Variants in DNER observed in about 807,000 individuals in gnomAD.
The protein encoded by DNER is delta/notch like EGF repeat containing.
DNER carries 33 observed loss-of-function variants against 78.2 expected under a neutral mutation model. The observed-to-expected ratio is 0.42, with a 90% CI of 0.32 to 0.56. The LOEUF (loss-of-function observed/expected upper bound fraction) is 0.56. DNER is among the 20% of genes least tolerant of loss of function. The pLI is 0.11. For synonymous variants in DNER, 417 were observed against 384.8 expected (o/e 1.08, Z -0.98); for missense variants, 918 against 975.3 (o/e 0.94, Z 0.78).
At chr2:229,363,132 C>A (rs1692253951) in intron 12 of DNER, among the ~76,000 whole-genome samples, 1 of 152,196 alleles carries the variant, frequency 6.6e-6, no homozygotes, top group Admixed American at 6.5e-5. Flanking sequence ...TGCCTGAGTA[C>A]AAGCAAAGCA....
chr2:229,486,022 C>G (rs12475099), intron 6 of DNER, among the ~76,000 whole-genome samples: 19,041 of 152,154 alleles, frequency 0.13, 1,333 homozygotes, highest in South Asian at 0.2. Context: ...AGAGAACCCA[C>G]CAGTCTCAGC....
At chr2:229,479,728 A>C (rs914187953) in intron 6 of DNER, among the ~76,000 whole-genome samples, 17 of 117,050 alleles carry the variant, frequency 1.5e-4, no homozygotes, top group African/African-American at 4.7e-4. Flanking sequence ...AAAAAAAAAA[A>C]AAACAAAAAA....
chr2:229,387,840 T>C (rs890263221), intron 11 of DNER, among the ~76,000 whole-genome samples: 4 of 150,390 alleles, frequency 2.7e-5, no homozygotes, highest in African/African-American at 7.4e-5. Flanking sequence ...CTTGAACACA[T>C]AAATAAAAAG....
intron 4 of DNER, among the ~76,000 whole-genome samples, chr2:229,548,542 T>C (rs28624660): frequency 0.029 from 4,469 of 151,754 alleles, 194 homozygotes; most frequent in African/African-American, 0.094. Flanking sequence ...AGTTGAACAA[T>C]GAGGACACAT....
chr2:229,552,242 G>A (rs967737518), intron 4 of DNER, among the ~76,000 whole-genome samples: 18 of 152,198 alleles, frequency 1.2e-4, no homozygotes, highest in African/African-American at 4.3e-4. Context: ...CATGATTCAG[G>A]GAAATGCAGA....
chr2:229,637,403 G>A (rs889740164), intron 1 of DNER, among the ~76,000 whole-genome samples: 1 of 152,156 alleles, frequency 6.6e-6, no homozygotes, highest in African/African-American at 2.4e-5. Context: ...CAATTGCGAG[G>A]CAATTTTCAG....
chr2:229,619,742 A>G (rs1698222102), intron 1 of DNER, among the ~76,000 whole-genome samples: 1 of 152,260 alleles, frequency 6.6e-6, no homozygotes, highest in Non-Finnish European at 1.5e-5. Flanking sequence ...AACTCATTTA[A>G]AGTAATTTAT....
intron 6 of DNER, among the ~76,000 whole-genome samples, chr2:229,495,384 G>A (rs1342847055): frequency 6.6e-6 from 1 of 152,160 alleles, no homozygotes; most frequent in African/African-American, 2.4e-5. Flanking sequence ...TCAGCAAGCT[G>A]GAGACTAAGG....
At chr2:229,558,283 G>A (rs1346210313) in intron 4 of DNER, among the ~76,000 whole-genome samples, 1 of 152,008 alleles carries the variant, frequency 6.6e-6, no homozygotes, top group Non-Finnish European at 1.5e-5. Flanking sequence ...TGAGTACAAG[G>A]CTTCATACCT....
intron 1 of DNER, among the ~76,000 whole-genome samples, chr2:229,657,431 T>G (rs1300909312): frequency 2.0e-5 from 3 of 152,134 alleles, no homozygotes; most frequent in Non-Finnish European, 4.4e-5. Flanking sequence ...CTACTGTAAA[T>G]AATGCCGCAG....
intron 4 of DNER, among the ~76,000 whole-genome samples, chr2:229,576,411 C>T (rs765292696): frequency 2.6e-4 from 38 of 148,486 alleles, no homozygotes; most frequent in Non-Finnish European, 2.1e-4. Flanking sequence ...TTAAATGTCA[C>T]AGAGGTAGAT....
chr2:229,646,581 A>C (rs1403196594), intron 1 of DNER, among the ~76,000 whole-genome samples: 2 of 152,270 alleles, frequency 1.3e-5, no homozygotes, highest in Non-Finnish European at 2.9e-5. Flanking sequence ...AACTTCTGAC[A>C]GATGCTCGTT....
Position 229,594,690 on chromosome 2 carries a change from C to G in DNER, c.277-2802G>C, listed in dbSNP as rs554039239. On this transcript the variant is annotated intron_variant, in intron 1 of 12. Transcript: ENST00000341772. ...GGAGACCATGTCTTCTGATTTTCAG[C>G]CAAGAGTTCTTTCCATAACACAGCA... 1.2e-4 allele frequency among the ~76,000 whole-genome samples: 19 copies of G among 152,146 alleles called. 1 individual carries two copies. Among genetic ancestry groups the G allele is most frequent in the African/African-American group, 4.1e-4 (17 of 41,458 alleles).
At chr2:229,485,819 T>TAA (rs142878830) in intron 6 of DNER, among the ~76,000 whole-genome samples, 14 of 149,386 alleles carry the variant, frequency 9.4e-5, no homozygotes, top group Middle Eastern at 3.4e-3. Flanking sequence ...ACTGAAATAA[T>TAA]AAAAAAAAAA....
chr2:229,569,988 A>G (rs1167984789), intron 4 of DNER, among the ~76,000 whole-genome samples: 1 of 152,164 alleles, frequency 6.6e-6, no homozygotes, highest in Non-Finnish European at 1.5e-5. Context: ...CTTCCAGGAG[A>G]TCTGTGTGAT....
chr2:229,590,044 A>AT (rs10532742), intron 2 of DNER, among the ~76,000 whole-genome samples: 12 of 151,162 alleles, frequency 7.9e-5, no homozygotes, highest in African/African-American at 2.9e-4. Context: ...GCAAAAATCT[A>AT]TTTTTTTTTT....
chr2:229,454,461 C>T (rs1694527927), intron 7 of DNER, among the ~76,000 whole-genome samples: 1 of 152,064 alleles, frequency 6.6e-6, no homozygotes, highest in Non-Finnish European at 1.5e-5. Context: ...AATCAAGGAT[C>T]CTGTGTTTTT....
Position 229,363,534 on chromosome 2 carries a change from G to A in DNER, c.2102+3339C>T, listed in dbSNP as rs571751723. Among the ~76,000 whole-genome samples the A allele has an allele frequency of 5.9e-5, 9 of 152,338 alleles. No homozygotes were observed. The South Asian group carries it at 1.7e-3, about 28-fold the overall frequency. ...GTTGGAGCTGAATAAACGTTCAGAA[G>A]AGAAGTTTTCCTAAAGGGAAAGTAT... is the stretch of plus-strand genomic sequence containing the variant. On this transcript the variant is annotated intron_variant, in intron 12 of 12. Coordinates refer to ENST00000341772, the MANE Select transcript of DNER (RefSeq NM_139072.4).
intron 1 of DNER, among the ~76,000 whole-genome samples, chr2:229,701,223 T>C (rs537153853): frequency 6.6e-6 from 1 of 152,202 alleles, no homozygotes; most frequent in African/African-American, 2.4e-5. Context: ...CCCATGAAGA[T>C]GCAAAACTAT....
Sources: allele counts gnomAD v4.1 joint callset (sites outside exome capture counted in the v4.1 genomes callset), GRCh38; gene constraint gnomAD v4.1.1; transcripts MANE v1.5; gene names NCBI Gene and HGNC (gene_info 2026-07-23, HGNC 2026-07-21).